Variants in MEI1 observed in about 807,000 individuals in gnomAD.
MEI1 encodes the protein meiosis inhibitor protein 1.
In MEI1, 103 loss-of-function variants were observed where a neutral mutation model predicts 146.2. The observed-to-expected ratio is 0.70, with a 90% CI of 0.60 to 0.83. The LOEUF is 0.83. Ranked by LOEUF, MEI1 falls within the 40% of genes least tolerant of loss-of-function variation. The pLI, the probability that MEI1 is intolerant of heterozygous loss-of-function variation, is 0.00. For synonymous variants in MEI1, 652 were observed against 628.2 expected, an observed-to-expected ratio of 1.04 and a Z score of -0.57; for missense variants, 1,529 against 1,533.0, an observed-to-expected ratio of 1.00 and a Z score of 0.04.
At chr22:41,787,523 T>G (rs1452885234) in intron 26 of MEI1, among the ~76,000 whole-genome samples, 1 of 152,220 alleles carries the variant, frequency 6.6e-6, no homozygotes, top group Non-Finnish European at 1.5e-5. Flanking sequence ...CTTAAGAGTT[T>G]AAGTTCATGG....
intron 19 of MEI1, among the ~76,000 whole-genome samples, chr22:41,770,426 T>A (rs976705375): frequency 2.0e-5 from 3 of 152,052 alleles, no homozygotes; most frequent in African/African-American, 7.3e-5. Context: ...CCCAATAGCA[T>A]TCCCCCAATC....
intron 3 of MEI1, among the ~76,000 whole-genome samples, chr22:41,710,952 G>A (rs1484812095): frequency 3.3e-5 from 5 of 152,156 alleles, no homozygotes; most frequent in Admixed American, 2.0e-4. Context: ...TGCCACCATA[G>A]CCAACTTGTA....
Position 41,763,192 on chromosome 22 carries a change from G to A in MEI1, c.2139G>A (p.Glu713=). The part of the protein sequence containing the change: ...IHEDRFVSEA[E]LFEAVQSFLL... Reference sequence around the variant, plus strand: ...TTGACAGGTTTGTCTCAGAGGCAGAGTTATTTGAGGCTGTGCAAAGCTTCC... The same window carrying A: ...TTGACAGGTTTGTCTCAGAGGCAGAATTATTTGAGGCTGTGCAAAGCTTCC... Residue 713 remains glutamate (E), a synonymous_variant, in exon 19 of 31, where the codon GAG becomes GAA. Coordinates refer to ENST00000401548, the MANE Select transcript of MEI1 (RefSeq NM_152513.4). 6.2e-7 allele frequency: 1 copy of A among 1,613,946 alleles called. No homozygotes were observed. The highest frequency in any genetic ancestry group is 1.1e-5 in the South Asian group (1 of 91,072).
chr22:41,701,978 T>C (rs2068747828), intron 1 of MEI1, among the ~76,000 whole-genome samples: 1 of 152,130 alleles, frequency 6.6e-6, no homozygotes, highest in African/African-American at 2.4e-5. Context: ...GCTAAGGAGC[T>C]TGAACATAAT....
At chr22:41,791,265 T>C (rs1342583867) in intron 26 of MEI1, among the ~76,000 whole-genome samples, 2 of 152,110 alleles carry the variant, frequency 1.3e-5, no homozygotes, top group African/African-American at 2.4e-5. Context: ...GGTGGGTGGA[T>C]TGCTTGAGTC....
Position 41,770,970 on chromosome 22 carries a change from C to G in MEI1, c.2544+9C>G. 1.2e-6 allele frequency: 2 copies of G among 1,611,132 alleles called. No individual in the cohort carries two copies. The highest frequency in any genetic ancestry group is 1.7e-6 in the Non-Finnish European group (2 of 1,178,152). ...TCCTGCTCATCTTGCTGGTAGGCAA[C>G]CACTCATTCATTTCTACATTCAGAA... On this transcript the variant is annotated intron_variant, in intron 20 of 30. Transcript: ENST00000401548.
chr22:41,747,694 A>G (rs1414752941), intron 14 of MEI1, among the ~76,000 whole-genome samples: 2 of 151,692 alleles, frequency 1.3e-5, no homozygotes, highest in Non-Finnish European at 2.9e-5. Flanking sequence ...ACAGAGCAAG[A>G]CTCCGTCTCA....
At chr22:41,724,163 T>G in intron 7 of MEI1, 90 bp downstream of exon 7, 1 of 1,486,440 alleles carries the variant, frequency 6.7e-7, no homozygotes, top group South Asian at 1.2e-5. Context: ...CACTCCTATC[T>G]CAGATTTCCA....
At chr22:41,712,486 T>C (rs1170855651) in intron 3 of MEI1, among the ~76,000 whole-genome samples, 6 of 151,560 alleles carry the variant, frequency 4.0e-5, no homozygotes, top group East Asian at 2.0e-4. Context: ...CCACCCGCCT[T>C]GGCCTCCCAA....
chr22:41,702,054 T>C (rs953791987), intron 1 of MEI1, among the ~76,000 whole-genome samples: 1 of 152,228 alleles, frequency 6.6e-6, no homozygotes, highest in Non-Finnish European at 1.5e-5. Flanking sequence ...CCTTAATCTA[T>C]TACGTAGGAT....
Position 41,795,513 on chromosome 22 carries a change from C to T in MEI1, c.3637C>T (p.Leu1213Phe). ...CCTGTCTACCCTCTCGAACACCACA[C>T]TCCAGGCCCTGCATGGCTTCTTCCA... Reference protein sequence around the residue: ...ADLSTLSNTTLQALHGFFQQL... With the variant: ...ADLSTLSNTTFQALHGFFQQL... The change falls in exon 29 of 31, where the codon CTC becomes TTC. Residue 1213 changes from leucine (L) to phenylalanine (F), a missense_variant. Physicochemically the swap from Leu to Phe is conservative, Grantham distance 22. Coordinates refer to ENST00000401548, the MANE Select transcript of MEI1 (RefSeq NM_152513.4). This position sits in a 1 kb window ranked among gnomAD's most constrained non-coding sequence, Gnocchi z 4.2. 1.2e-6 allele frequency: 2 copies of T among 1,613,754 alleles called. No homozygotes were observed. The highest frequency in any genetic ancestry group is 1.7e-6 in the Non-Finnish European group (2 of 1,179,868).
intron 20 of MEI1, among the ~76,000 whole-genome samples, chr22:41,772,440 C>T (rs1156291473): frequency 6.6e-6 from 1 of 152,068 alleles, no homozygotes; most frequent in African/African-American, 2.4e-5. Context: ...GTCAGGAGTT[C>T]AAGACCAAGT....
rs1401732932 is a variant in MEI1 at position 41,757,847 on chromosome 22, G to A, written c.1952-518G>A. On this transcript the variant is annotated intron_variant, in intron 17 of 30. Coordinates refer to ENST00000401548, the MANE Select transcript of MEI1 (RefSeq NM_152513.4). ...CTCAATGAACATATGTCAAATGAAT[G>A]AAAGAATGAATGTTTTTGGGAGGCC... Among the ~76,000 whole-genome samples, 5 of 152,146 alleles carry A rather than the reference G, an allele frequency of 3.3e-5. 1 individual carries two copies. In the South Asian group the frequency reaches 1.0e-3, roughly 31 times the overall value.
Position 41,795,837 on chromosome 22 carries a change from C to A in MEI1, c.3769C>A (p.Gln1257Lys). The A allele has an allele frequency of 6.2e-7, 1 of 1,613,582 alleles. No homozygotes were observed. Among genetic ancestry groups the A allele is most frequent in the Non-Finnish European group, 8.5e-7 (1 of 1,179,696 alleles). ...CACCTCCTCAGGCCAGCCACCCCTG[C>A]AGGACATGCTGTATCCTTTCTTGCA... ...PSTSSGQPPL[Q>K]DMLCLGGVAV... The change falls in exon 30 of 31, where the codon CAG (glutamine) becomes AAG (lysine). Residue 1257 changes from glutamine (Q) to lysine (K), a missense_variant. This residue lies in a region of MEI1 where 313 missense variants were observed against 337.3 expected (regional missense o/e 0.93). Transcript: ENST00000401548. The surrounding 1 kb of genome is among the most constrained non-coding windows in gnomAD (Gnocchi z 4.2).
In MEI1 at chr22:41,699,834, T is replaced by G. The variant is rs1375713778; in HGVS notation, c.174+122T>G. 3 of 1,221,810 alleles carry G rather than the reference T, an allele frequency of 2.5e-6. No homozygotes were observed. In the African/African-American group the frequency reaches 4.7e-5, roughly 19 times the overall value. 75.7% of individuals were successfully genotyped at this position (1,221,810 alleles called of 1,614,324 possible). A position where few individuals can be genotyped will look rare whatever the true frequency, so the allele number is the denominator to read the frequency against. On this transcript the variant is annotated intron_variant, in intron 1 of 30. Coordinates refer to ENST00000401548, the MANE Select transcript of MEI1 (RefSeq NM_152513.4). Reference sequence around the variant, plus strand: ...CGCGAAACCGGGCCCCCGCGCTGTGTTCACTCTCCTCCCTGTCAGCCCGTC... The same window carrying G: ...CGCGAAACCGGGCCCCCGCGCTGTGGTCACTCTCCTCCCTGTCAGCCCGTC...
At position 41,795,437 on chromosome 22, in the gene MEI1, C is replaced by T. The variant is rs375270015; in HGVS notation, c.3561C>T (p.Val1187=). The T allele has an allele frequency of 3.5e-5, 57 of 1,613,456 alleles. No individual in the cohort carries two copies. Among genetic ancestry groups the T allele is most frequent in the Non-Finnish European group, 2.4e-5 (28 of 1,179,784 alleles). The part of the protein sequence containing the change: ...TLFMRYRSSS[V]LSHEEVGDVL... ...TTATGCGGTACCGGAGTAGCAGTGT[C>T]CTCTCTCATGAAGAGGTGGGTGATG... The change falls in exon 29 of 31, where the codon GTC becomes GTT. Residue 1187 remains valine, a synonymous_variant. Coordinates refer to ENST00000401548, the MANE Select transcript of MEI1 (RefSeq NM_152513.4). This position sits in a 1 kb window ranked among gnomAD's most constrained non-coding sequence, Gnocchi z 4.2.
intron 27 of MEI1, 49 bp downstream of exon 27, chr22:41,793,959 G>C: frequency 4.0e-6 from 6 of 1,510,920 alleles, no homozygotes; most frequent in Non-Finnish European, 5.5e-6. Context: ...AGATTAGAGG[G>C]AGCAACACCC....
chr22:41,769,112 A>AATCTTG (rs1178670737), intron 19 of MEI1, among the ~76,000 whole-genome samples: 1 of 152,198 alleles, frequency 6.6e-6, no homozygotes, highest in Non-Finnish European at 1.5e-5. Flanking sequence ...TAGTCAAAAC[A>AATCTTG]ATCTTGAAAA....
At chr22:41,714,736 C>G (rs1048172345) in intron 4 of MEI1, among the ~76,000 whole-genome samples, 4 of 150,614 alleles carry the variant, frequency 2.7e-5, no homozygotes, top group African/African-American at 9.8e-5. Flanking sequence ...AAAAAATTAG[C>G]TGGGCGTGGT....
Sources: allele counts gnomAD v4.1 joint callset (sites outside exome capture counted in the v4.1 genomes callset), GRCh38; gene constraint gnomAD v4.1.1; regional missense constraint gnomAD v4.1.1; non-coding constraint Gnocchi (gnomAD v3.1); transcripts MANE v1.5; gene names NCBI Gene and HGNC (gene_info 2026-07-23, HGNC 2026-07-21).